Variants in PRR5L observed in about 807,000 individuals in gnomAD.
PRR5L encodes proline-rich protein 5-like.
PRR5L carries 21 observed loss-of-function variants against 36.4 expected under a neutral mutation model. That is an observed-to-expected ratio of 0.58 (90% confidence interval 0.41 to 0.83). PRR5L has a LOEUF of 0.83. PRR5L is among the 40% of genes least tolerant of loss of function. PRR5L has a pLI of 0.00. For missense variants in PRR5L, 381 were observed against 473.3 expected (o/e 0.80, Z 1.81); for synonymous variants, 188 against 197.0 (o/e 0.95, Z 0.38).
At chr11:36,307,998 C>T (rs758807631) in intron 1 of PRR5L, among the ~76,000 whole-genome samples, 1 of 152,184 alleles carries the variant, frequency 6.6e-6, no homozygotes, top group Non-Finnish European at 1.5e-5. Context: ...GGTCACTTAC[C>T]TACTTGGGAA....
At chr11:36,358,799 A>T (rs1857055031) in intron 1 of PRR5L, among the ~76,000 whole-genome samples, 1 of 152,206 alleles carries the variant, frequency 6.6e-6, no homozygotes, top group Non-Finnish European at 1.5e-5. Flanking sequence ...AATGGAAGTA[A>T]GAAAAAGGGC....
chr11:36,436,076 C>G (rs1184132923), intron 5 of PRR5L, among the ~76,000 whole-genome samples: 1 of 152,204 alleles, frequency 6.6e-6, no homozygotes, highest in African/African-American at 2.4e-5. Flanking sequence ...TTCACCCTGA[C>G]CTTTCAAAAT....
At chr11:36,453,587 T>C (rs188571986) in intron 8 of PRR5L, among the ~76,000 whole-genome samples, 1 of 152,316 alleles carries the variant, frequency 6.6e-6, no homozygotes, top group African/African-American at 2.4e-5. Context: ...AAATGTGTAC[T>C]AAGACCCTGT....
intron 1 of PRR5L, among the ~76,000 whole-genome samples, chr11:36,310,799 C>T (rs528380119): frequency 1.1e-4 from 17 of 152,096 alleles, no homozygotes; most frequent in Non-Finnish European, 1.9e-4. Context: ...AAGATTGAGA[C>T]CATCCTGGCG....
intron 5 of PRR5L, among the ~76,000 whole-genome samples, chr11:36,436,371 C>T (rs1858606404): frequency 6.6e-6 from 1 of 152,142 alleles, no homozygotes; most frequent in Non-Finnish European, 1.5e-5. Context: ...TTTGCCAGGG[C>T]CCGTCTTTCC....
intron 1 of PRR5L, chr11:36,376,362 AGG>A: frequency 3.5e-6 from 4 of 1,138,148 alleles, no homozygotes; most frequent in Non-Finnish European, 3.3e-6. Flanking sequence ...GAGGAGGAGG[AGG>A]AGGAGGAGGA....
At chr11:36,299,638 A>C (rs949556436) in intron 1 of PRR5L, among the ~76,000 whole-genome samples, 3 of 152,186 alleles carry the variant, frequency 2.0e-5, no homozygotes, top group Non-Finnish European at 4.4e-5. Context: ...TTTCATAAAG[A>C]ACCCTAGGAG....
At chr11:36,318,330 C>A (rs1477929579) in intron 1 of PRR5L, among the ~76,000 whole-genome samples, 1 of 152,134 alleles carries the variant, frequency 6.6e-6, no homozygotes, top group Non-Finnish European at 1.5e-5. Flanking sequence ...TTTTTTAAGT[C>A]AATAATTTAA....
intron 3 of PRR5L, among the ~76,000 whole-genome samples, chr11:36,416,583 C>A (rs1449881971): frequency 6.6e-6 from 1 of 152,220 alleles, no homozygotes; most frequent in Non-Finnish European, 1.5e-5. Flanking sequence ...TCTCATCCCC[C>A]CTGTTACAGC....
intron 1 of PRR5L, among the ~76,000 whole-genome samples, chr11:36,358,284 G>A (rs1171638875): frequency 6.6e-6 from 1 of 152,152 alleles, no homozygotes; most frequent in African/African-American, 2.4e-5. Flanking sequence ...TTTGTGAATG[G>A]AAGAATCAAT....
chr11:36,414,720 G>T (rs1858104143), intron 3 of PRR5L, among the ~76,000 whole-genome samples: 1 of 147,746 alleles, frequency 6.8e-6, no homozygotes, highest in Admixed American at 6.7e-5. Flanking sequence ...AGTTTAATTA[G>T]ATCCCATTTG....
At chr11:36,336,973 C>T (rs1856774966) in intron 1 of PRR5L, among the ~76,000 whole-genome samples, 2 of 152,040 alleles carry the variant, frequency 1.3e-5, no homozygotes, top group African/African-American at 2.4e-5. Context: ...ATACTACAAA[C>T]ATATATAAAT....
chr11:36,416,177 A>G lies in PRR5L; in HGVS notation c.246-3078A>G, dbSNP rs147304865. Among the ~76,000 whole-genome samples the G allele has an allele frequency of 3.1e-4, 46 of 150,146 alleles. 1 individual carries two copies. In the East Asian group the frequency reaches 8.8e-3, roughly 29 times the overall value. On this transcript the variant is annotated intron_variant, in intron 3 of 8. Transcript: ENST00000530639. ...GATTTCTATATTTTGCTGCAATGAAAAACTCTGCATATATATATATAACAT... is the reference window on the plus strand; with the variant it reads ...GATTTCTATATTTTGCTGCAATGAAGAACTCTGCATATATATATATAACAT...
At chr11:36,360,138 C>CA (rs2133500882) in intron 1 of PRR5L, among the ~76,000 whole-genome samples, 1 of 151,884 alleles carries the variant, frequency 6.6e-6, no homozygotes, top group South Asian at 2.1e-4. Context: ...TAGCTAAATT[C>CA]ATGCCTGAAT....
intron 1 of PRR5L, among the ~76,000 whole-genome samples, chr11:36,299,757 C>T (rs1282090764): frequency 6.6e-6 from 1 of 151,996 alleles, no homozygotes; most frequent in Non-Finnish European, 1.5e-5. Context: ...CAAGCTTTAA[C>T]CCACTTCATT....
At chr11:36,376,775 C>A in intron 1 of PRR5L, 1 of 944,282 alleles carries the variant, frequency 1.1e-6, no homozygotes, top group Non-Finnish European at 1.3e-6. Flanking sequence ...CAGGATTGAG[C>A]GAAAATTACC....
chr11:36,334,924 T>C (rs113598089), intron 1 of PRR5L, among the ~76,000 whole-genome samples: 3 of 124,006 alleles, frequency 2.4e-5, no homozygotes, highest in Non-Finnish European at 4.8e-5. Context: ...GAGCTCTGAC[T>C]GCAAAACACT....
chr11:36,427,349 G>A (rs533349557), intron 4 of PRR5L, among the ~76,000 whole-genome samples: 9 of 152,184 alleles, frequency 5.9e-5, no homozygotes, highest in Admixed American at 2.0e-4. Flanking sequence ...CTTCCTGGGT[G>A]GTTACTATTT....
intron 1 of PRR5L, among the ~76,000 whole-genome samples, chr11:36,393,676 A>G (rs1590527094): frequency 1.3e-5 from 2 of 152,142 alleles, no homozygotes; most frequent in Non-Finnish European, 2.9e-5. Flanking sequence ...TCATGGTTTC[A>G]TATAAATTTT....
Sources: allele counts gnomAD v4.1 joint callset (sites outside exome capture counted in the v4.1 genomes callset), GRCh38; gene constraint gnomAD v4.1.1; transcripts MANE v1.5; gene names NCBI Gene and HGNC (gene_info 2026-07-23, HGNC 2026-07-21).